Variants in KLHL7 observed in about 807,000 individuals in gnomAD.
The protein encoded by KLHL7 is kelch-like protein 7.
In KLHL7, 44 loss-of-function variants were observed where a neutral mutation model predicts 67.4. That is an observed-to-expected ratio of 0.65 (90% CI 0.51 to 0.84). The LOEUF (loss-of-function observed/expected upper bound fraction) is 0.84, where lower values mean the gene tolerates loss of function less well. Among genes scored for constraint, KLHL7 ranks in the 40% least tolerant of loss-of-function variants. The pLI is 0.00. For synonymous variants in KLHL7, 252 were observed against 243.3 expected, an observed-to-expected ratio of 1.04 and a Z score of -0.33; for missense variants, 362 against 718.1, an observed-to-expected ratio of 0.50 and a Z score of 5.67.
intron 1 of KLHL7, among the ~76,000 whole-genome samples, chr7:23,119,071 AAAAAAG>A (rs1288058488): frequency 2.0e-5 from 3 of 152,220 alleles, no homozygotes; most frequent in Non-Finnish European, 4.4e-5. Flanking sequence ...ACCTTGTCTC[AAAAAAG>A]AAAAAGAAAA....
intron 4 of KLHL7, among the ~76,000 whole-genome samples, chr7:23,139,064 T>G (rs1375162458): frequency 6.7e-6 from 1 of 148,654 alleles, no homozygotes; most frequent in East Asian, 2.0e-4. Flanking sequence ...CATTTTAGTT[T>G]CATTGAAAAA....
At position 23,105,851 on chromosome 7, in the gene KLHL7, C is replaced by A. The variant is rs1782609734; in HGVS notation, c.-176C>A. ...CCTGAGCGTTTCTAAGGGGGCCGCC[C>A]GGCCTTGTCTTTCGGCAGTGGCCGA... On this transcript the variant is annotated 5_prime_UTR_variant, in exon 1 of 11. Transcript: ENST00000339077. The A allele has an allele frequency of 1.1e-6, 1 of 947,908 alleles. No individual in the cohort carries two copies. Among genetic ancestry groups the A allele is most frequent in the African/African-American group, 1.6e-5 (1 of 61,264 alleles). The allele number at this position is 947,908 out of a possible 1,614,324, so 58.7% of individuals were successfully genotyped here.
At chr7:23,138,911 T>C (rs923514025) in intron 4 of KLHL7, among the ~76,000 whole-genome samples, 3 of 152,120 alleles carry the variant, frequency 2.0e-5, no homozygotes, top group Non-Finnish European at 2.9e-5. Context: ...GATTAATTCT[T>C]ACGTTATTTA....
intron 9 of KLHL7, 178 bp downstream of exon 9, chr7:23,168,215 C>A: frequency 1.6e-6 from 1 of 619,788 alleles, no homozygotes; most frequent in Non-Finnish European, 2.8e-6. Context: ...TTCCCTTACA[C>A]CAGAAATGGC....
chr7:23,163,942 C>G (rs1254452771), intron 7 of KLHL7, among the ~76,000 whole-genome samples: 1 of 152,120 alleles, frequency 6.6e-6, no homozygotes, highest in Non-Finnish European at 1.5e-5. Context: ...ATATACCGTC[C>G]CATCTGTGAC....
chr7:23,157,001 G>C (rs575311349), intron 7 of KLHL7, among the ~76,000 whole-genome samples: 2 of 152,294 alleles, frequency 1.3e-5, no homozygotes, highest in East Asian at 3.9e-4. Flanking sequence ...AGATATTGCA[G>C]TGCCTGTATC....
At chr7:23,141,096 C>T in intron 5 of KLHL7, 152 bp downstream of exon 5, 1 of 758,194 alleles carries the variant, frequency 1.3e-6, no homozygotes, top group Non-Finnish European at 2.2e-6. Context: ...TAGGTGCTTG[C>T]CAGGCTGGCT....
chr7:23,158,483 A>C (rs1172083195), intron 7 of KLHL7, among the ~76,000 whole-genome samples: 1 of 152,190 alleles, frequency 6.6e-6, no homozygotes, highest in Non-Finnish European at 1.5e-5. Flanking sequence ...GAAGTATTGA[A>C]TCATATTCAG....
chr7:23,174,297 G>C lies in KLHL7; in HGVS notation c.1760G>C (p.Ter587SerextTer12). Reference protein sequence around the residue: ...CGANEETLET* With the variant: ...CGANEETLETS ...GCAAATGAAGAGACCCTTGAAACAT[G>C]AAAAATGAGTGGACTTCAGACTCAT... is the stretch of plus-strand genomic sequence containing the variant. The change falls in exon 11 of 11, where the codon TGA (stop) becomes TCA (serine). Residue 587 changes from the stop codon to serine, a stop_lost. Transcript: ENST00000339077. The C allele has an allele frequency of 6.2e-7, 1 of 1,614,038 alleles. No individual in the cohort carries two copies.
intron 7 of KLHL7, among the ~76,000 whole-genome samples, chr7:23,163,146 T>C (rs923183244): frequency 3.9e-5 from 6 of 152,162 alleles, no homozygotes; most frequent in Non-Finnish European, 8.8e-5. Flanking sequence ...TTAGAACTTA[T>C]CACTCCCAAG....
At chr7:23,125,012 C>T in intron 3 of KLHL7, 36 bp from the exon 4 acceptor site, 1 of 1,580,724 alleles carries the variant, frequency 6.3e-7, no homozygotes, top group East Asian at 2.2e-5. Context: ...AATAAAAAAT[C>T]ATGGGTAACT....
chr7:23,105,924 C>T lies in KLHL7; in HGVS notation c.-103C>T. The T allele has an allele frequency of 6.6e-7, 1 of 1,516,920 alleles. No homozygotes were observed. Among genetic ancestry groups the T allele is most frequent in the East Asian group, 2.4e-5 (1 of 42,108 alleles). The allele number at this position is 1,516,920 out of a possible 1,614,324, so 94.0% of individuals were successfully genotyped here. A position where few individuals can be genotyped will look rare whatever the true frequency, so the allele number is the denominator to read the frequency against. On this transcript the variant is annotated 5_prime_UTR_variant, in exon 1 of 11. Coordinates refer to ENST00000339077, the MANE Select transcript of KLHL7 (RefSeq NM_001031710.3). ...TCCAGAGCTGGGCGCTGCAGCTGCA[C>T]TGCCGATCGCCGTGTTTGGTCGATA... is the stretch of plus-strand genomic sequence containing the variant.
At chr7:23,152,683 C>T (rs1784575753) in intron 7 of KLHL7, among the ~76,000 whole-genome samples, 2 of 152,128 alleles carry the variant, frequency 1.3e-5, no homozygotes, top group South Asian at 4.1e-4. Flanking sequence ...GAAATGATCA[C>T]CAAGTTTAGT....
At chr7:23,125,536 T>G (rs1400687767) in intron 4 of KLHL7, among the ~76,000 whole-genome samples, 1 of 152,236 alleles carries the variant, frequency 6.6e-6, no homozygotes, top group Admixed American at 6.5e-5. Flanking sequence ...AGGCAACTTA[T>G]AGTTAGGTAA....
chr7:23,146,342 T>G (rs1328192671), intron 6 of KLHL7, among the ~76,000 whole-genome samples: 1 of 152,216 alleles, frequency 6.6e-6, no homozygotes, highest in Non-Finnish European at 1.5e-5. Flanking sequence ...CCATTTAGGT[T>G]TAACAGACAC....
At chr7:23,130,786 A>AAAAG in intron 4 of KLHL7, among the ~76,000 whole-genome samples, 1 of 152,220 alleles carries the variant, frequency 6.6e-6, no homozygotes, top group African/African-American at 2.4e-5. Context: ...GGTACCAAGA[A>AAAAG]AAAGAAAGAA....
chr7:23,128,322 AAAGG>A (rs1783658957), intron 4 of KLHL7, among the ~76,000 whole-genome samples: 1 of 149,404 alleles, frequency 6.7e-6, no homozygotes, highest in African/African-American at 2.4e-5. Context: ...AAGATAAAAG[AAAGG>A]GAAGGAAGAT....
intron 1 of KLHL7, chr7:23,118,032 G>T: frequency 6.4e-7 from 1 of 1,568,302 alleles, no homozygotes; most frequent in Non-Finnish European, 8.7e-7. Context: ...TTGACTGCAT[G>T]CCTCTTACTA....
rs778677515 is a variant in KLHL7 at position 23,106,045 on chromosome 7, G to C, written c.19G>C (p.Glu7Gln). 5 of 1,610,274 alleles carry C rather than the reference G, an allele frequency of 3.1e-6. No homozygotes were observed. Among genetic ancestry groups the C allele is most frequent in the Non-Finnish European group, 3.4e-6 (4 of 1,178,790 alleles). Residue 7 changes from glutamate (E) to glutamine (Q), a missense_variant, in exon 1 of 11, where the codon GAG becomes CAG. Transcript: ENST00000339077. MAASGV[E>Q]KSSKKKTEKK... ...AGGGAGGATGGCAGCCTCTGGGGTG[G>C]AGAAGAGCAGCAAGAAGAAGACCGA...
Sources: gnomAD v4.1 joint callset for allele counts (sites outside exome capture counted in the v4.1 genomes callset) on GRCh38, gnomAD v4.1.1 for gene constraint, MANE v1.5 for transcripts, NCBI Gene and HGNC (gene_info 2026-07-23, HGNC 2026-07-21) for gene names.